MALRD1: variants seen among roughly 807,000 people sequenced by gnomAD.
MALRD1 encodes the protein MAM and LDL receptor class A domain containing 1.
Under a neutral mutation model 242.1 loss-of-function variants are expected in MALRD1, and 247 were observed. The ratio of observed to expected loss-of-function variants is 1.02; its 90% confidence interval spans 0.92 to 1.13. The LOEUF is 1.13. Ranked by LOEUF, MALRD1 falls within the 50% of genes most tolerant of loss-of-function variation. MALRD1 has a pLI of 0.00. For missense variants in MALRD1, 2,989 were observed against 2,533.1 expected, an observed-to-expected ratio of 1.18 and a Z score of -3.86; for synonymous variants, 995 against 866.6, an observed-to-expected ratio of 1.15 and a Z score of -2.60.
intron 24 of MALRD1, among the ~76,000 whole-genome samples, chr10:19,345,268 A>G (rs192180089): frequency 6.6e-6 from 1 of 152,232 alleles, no homozygotes; most frequent in African/African-American, 2.4e-5. Flanking sequence ...AAAATATCAA[A>G]TCTGTTTTTC....
At chr10:19,221,354 C>T (rs1588717469) in intron 18 of MALRD1, among the ~76,000 whole-genome samples, 1 of 152,162 alleles carries the variant, frequency 6.6e-6, no homozygotes, top group East Asian at 1.9e-4. Flanking sequence ...CATTTTTCTT[C>T]CAAGTGTGCA....
chr10:19,338,695 T>C (rs1157003676), intron 24 of MALRD1, among the ~76,000 whole-genome samples: 1 of 147,968 alleles, frequency 6.8e-6, no homozygotes, highest in African/African-American at 2.6e-5. Flanking sequence ...AAAATAAGCA[T>C]ATCATGGAGA....
At chr10:19,691,892 G>T (rs1842837072) in intron 36 of MALRD1, among the ~76,000 whole-genome samples, 1 of 152,046 alleles carries the variant, frequency 6.6e-6, no homozygotes, top group Non-Finnish European at 1.5e-5. Context: ...TGCTCTGTTG[G>T]TTTTCTGAAA....
At chr10:19,173,776 C>T (rs1355979116) in intron 13 of MALRD1, among the ~76,000 whole-genome samples, 2 of 152,288 alleles carry the variant, frequency 1.3e-5, no homozygotes, top group Non-Finnish European at 1.5e-5. Flanking sequence ...TTTTCCCAAA[C>T]TCTCATTATT....
In MALRD1 at chr10:19,669,719, C is replaced by T. The variant is rs367723716; in HGVS notation, c.6138-22563C>T. On this transcript the variant is annotated intron_variant, in intron 36 of 39. Transcript: ENST00000454679. The stretch of plus-strand genomic sequence containing the variant: ...TAAAAAATAAGTGATCATTAATCCT[C>T]ATAACGCTATTGGCTCAGAAGTAAA... Among the ~76,000 whole-genome samples, 79 of 152,268 alleles carry T rather than the reference C, an allele frequency of 5.2e-4. 2 individuals are homozygous for T. Among genetic ancestry groups the T allele is most frequent in the African/African-American group, 1.8e-3 (74 of 41,546 alleles).
intron 34 of MALRD1, among the ~76,000 whole-genome samples, chr10:19,596,482 C>G (rs1193715950): frequency 6.6e-6 from 1 of 152,090 alleles, no homozygotes; most frequent in Non-Finnish European, 1.5e-5. Flanking sequence ...ATTATCCCAG[C>G]ACTTTGAAAG....
intron 32 of MALRD1, 25 bp downstream of exon 32, chr10:19,531,376 T>G (rs1404211354): frequency 3.3e-6 from 5 of 1,506,546 alleles, no homozygotes; most frequent in Non-Finnish European, 4.5e-6. Flanking sequence ...CAGAGATTTA[T>G]GATCACTGAA....
Position 19,300,566 on chromosome 10 carries a change from C to T in MALRD1, c.3419+17385C>T, listed in dbSNP as rs7903135. Among the ~76,000 whole-genome samples the T allele has an allele frequency of 8.8e-3, 1,334 of 152,010 alleles. 16 individuals carry two copies. Among genetic ancestry groups the T allele is most frequent in the African/African-American group, 0.03 (1,262 of 41,488 alleles). On this transcript the variant is annotated intron_variant, in intron 21 of 39. Coordinates refer to ENST00000454679, the MANE Select transcript of MALRD1 (RefSeq NM_001142308.3). ...CAGAAATAAAGCTGCACACCTCCAACCACCTGATCTTTGACAAAATTGACA... is the reference window on the plus strand; with the variant it reads ...CAGAAATAAAGCTGCACACCTCCAATCACCTGATCTTTGACAAAATTGACA...
intron 28 of MALRD1, among the ~76,000 whole-genome samples, chr10:19,449,086 G>T (rs972620020): frequency 3.3e-5 from 5 of 152,166 alleles, no homozygotes; most frequent in African/African-American, 9.7e-5. Flanking sequence ...TCAGTAAATT[G>T]TTCAGTTTTC....
intron 29 of MALRD1, among the ~76,000 whole-genome samples, chr10:19,465,585 T>C (rs1220631780): frequency 6.6e-6 from 1 of 152,114 alleles, no homozygotes; most frequent in Non-Finnish European, 1.5e-5. Flanking sequence ...GGCTGAAGTA[T>C]AATAGCACGA....
At chr10:19,543,433 C>CTTGTTTTTTTTT (rs1835070650) in intron 32 of MALRD1, among the ~76,000 whole-genome samples, 1 of 106,410 alleles carries the variant, frequency 9.4e-6, no homozygotes, top group South Asian at 3.2e-4. Context: ...CAGCTGATTT[C>CTTGTTTTTTTTT]TTTTTTTTTT....
chr10:19,302,648 T>C (rs1842003883), intron 21 of MALRD1, among the ~76,000 whole-genome samples: 1 of 151,746 alleles, frequency 6.6e-6, no homozygotes, highest in Non-Finnish European at 1.5e-5. Context: ...GGGTTACTTT[T>C]TGGGATGATC....
chr10:19,205,289 T>C (rs1414874110), intron 17 of MALRD1, 24 bp downstream of exon 17: 2 of 1,512,076 alleles, frequency 1.3e-6, no homozygotes, highest in African/African-American at 1.4e-5. Flanking sequence ...GGTTGGGGGA[T>C]TCTCTTTCTC....
At chr10:19,279,412 A>C (rs1840698259) in intron 19 of MALRD1, among the ~76,000 whole-genome samples, 1 of 152,144 alleles carries the variant, frequency 6.6e-6, no homozygotes, top group Non-Finnish European at 1.5e-5. Context: ...CTTTTTCTCC[A>C]CAGCTTGGAT....
chr10:19,133,090 C>G (rs1315168058), intron 8 of MALRD1, among the ~76,000 whole-genome samples: 1 of 152,076 alleles, frequency 6.6e-6, no homozygotes, highest in South Asian at 2.1e-4. Context: ...AGGCACCCAC[C>G]ACCACGCCTG....
intron 2 of MALRD1, among the ~76,000 whole-genome samples, chr10:19,076,984 A>T (rs1835338602): frequency 6.6e-6 from 1 of 151,812 alleles, no homozygotes; most frequent in Admixed American, 6.6e-5. Context: ...TTGTATTTTT[A>T]AATTTTTATT....
chr10:19,425,225 G>A (rs188105566), intron 28 of MALRD1, among the ~76,000 whole-genome samples: 17 of 152,128 alleles, frequency 1.1e-4, no homozygotes, highest in East Asian at 1.9e-4. Flanking sequence ...TTAAAAATTC[G>A]TCTTTTCCTT....
intron 20 of MALRD1, 56 bp from the exon 21 acceptor site, chr10:19,282,963 A>G: frequency 1.5e-6 from 2 of 1,303,474 alleles, no homozygotes; most frequent in South Asian, 3.5e-5. Context: ...TTAAGATTGT[A>G]CAGATAGAAA....
intron 21 of MALRD1, among the ~76,000 whole-genome samples, chr10:19,310,665 A>T (rs909733383): frequency 3.3e-5 from 5 of 151,372 alleles, no homozygotes; most frequent in Non-Finnish European, 7.4e-5. Flanking sequence ...CTTGTTTTGG[A>T]CTCAGTCAGC....
Sources: allele counts gnomAD v4.1 joint callset (sites outside exome capture counted in the v4.1 genomes callset), GRCh38; gene constraint gnomAD v4.1.1; transcripts MANE v1.5; gene names NCBI Gene and HGNC (gene_info 2026-07-23, HGNC 2026-07-21).